The following FGFR1 variants were observed in gnomAD, a reference collection of about 807,000 sequenced individuals.
FGFR1 encodes FGFR1/PLAG1 fusion.
FGFR1 carries 18 observed loss-of-function variants against 93.7 expected under a neutral mutation model. The observed-to-expected ratio is 0.19, with a 90% CI of 0.13 to 0.28. The LOEUF is 0.28. Among genes scored for constraint, FGFR1 ranks in the 10% least tolerant of loss-of-function variants. The pLI, the probability that FGFR1 is intolerant of heterozygous loss-of-function variation, is 1.00. For synonymous variants in FGFR1, 448 were observed against 429.3 expected (o/e 1.04, Z -0.54); for missense variants, 731 against 1,080.4 (o/e 0.68, Z 4.53).
In FGFR1 at chr8:38,418,363, T is replaced by C. The variant is rs2150679330; in HGVS notation, c.1295A>G (p.Asp432Gly). The C allele has an allele frequency of 5.0e-6, 8 of 1,613,596 alleles. No individual in the cohort carries two copies. The highest frequency in any genetic ancestry group is 6.8e-6 in the Non-Finnish European group (8 of 1,179,844). ...PLRRQVTVSA[D>G]SSASMNSGVL... ...CCCAGAGTTCATGGATGCACTGGAG[T>C]CAGCAGACACCTGCAAGGAAGAGTG... The change falls in exon 10 of 18, where the codon GAC becomes GGC. Residue 432 changes from aspartate to glycine, a missense_variant. By Grantham distance (94) the Asp-to-Gly change is moderately conservative. Transcript: ENST00000447712.
chr8:38,442,561 G>C (rs758660064), intron 2 of FGFR1, among the ~76,000 whole-genome samples: 5 of 151,958 alleles, frequency 3.3e-5, no homozygotes, highest in Non-Finnish European at 5.9e-5. Context: ...ATGAATCAAC[G>C]GCAAAGAGGT....
intron 1 of FGFR1, among the ~76,000 whole-genome samples, chr8:38,460,566 T>C (rs570592236): frequency 2.0e-5 from 3 of 152,182 alleles, no homozygotes; most frequent in Non-Finnish European, 4.4e-5. Flanking sequence ...AGCTCCCTGG[T>C]CAATGCACTT....
At chr8:38,467,798 G>A in intron 1 of FGFR1, 183 bp downstream of exon 1, 1 of 231,822 alleles carries the variant, frequency 4.3e-6, no homozygotes, top group Non-Finnish European at 8.5e-6. Flanking sequence ...AGGGAGGGGA[G>A]ACCCAAGGGG....
chr8:38,424,470 C>G lies in FGFR1; in HGVS notation c.936+39G>C, dbSNP rs992486346. ...GAGCCCCCGAGACAGTGGTCTCCTT[C>G]CCAGTAGACTGGCCCACGAAGACTG... On this transcript the variant is annotated intron_variant, in intron 7 of 17. Transcript: ENST00000447712. The surrounding 1 kb of genome is among the most constrained non-coding windows in gnomAD (Gnocchi z 4.3). 1 of 1,612,564 alleles carries G rather than the reference C, an allele frequency of 6.2e-7. No individual in the cohort carries two copies. The highest frequency in any genetic ancestry group is 8.5e-7 in the Non-Finnish European group (1 of 1,178,636).
chr8:38,427,710 ATG>A (rs2150903764), intron 5 of FGFR1, among the ~76,000 whole-genome samples: 1 of 152,358 alleles, frequency 6.6e-6, no homozygotes, highest in Non-Finnish European at 1.5e-5. Context: ...TACATACATG[ATG>A]TGATCAACTA....
intron 2 of FGFR1, among the ~76,000 whole-genome samples, chr8:38,436,131 T>C (rs948038461): frequency 1.4e-4 from 22 of 152,248 alleles, no homozygotes; most frequent in Middle Eastern, 3.4e-3. Context: ...TCCCAGCCCT[T>C]TGGGAGGCCA....
Position 38,468,117 on chromosome 8 carries a change from C to CCGGCGCTCGACTCCCGG in FGFR1, c.-242_-226dup, listed in dbSNP as rs1317476769. ...TGGCGGGGTCGCAAGAGCTCCGCGG[C>CCGGCGCTCGACTCCCGG]CGGCGCTCGACTCCCGGCGGCGCTC... On this transcript the variant is annotated 5_prime_UTR_variant, in exon 1 of 18. Coordinates refer to ENST00000447712, the MANE Select transcript of FGFR1 (RefSeq NM_023110.3). 4 of 226,300 alleles carry CCGGCGCTCGACTCCCGG rather than the reference C, an allele frequency of 1.8e-5. No individual in the cohort carries two copies. Among genetic ancestry groups the CCGGCGCTCGACTCCCGG allele is most frequent in the Non-Finnish European group, 2.6e-5 (3 of 113,490 alleles). The allele number at this position is 226,300 out of a possible 1,614,324, so 14.0% of individuals were successfully genotyped here.
At chr8:38,454,032 A>T (rs1234546192) in intron 2 of FGFR1, among the ~76,000 whole-genome samples, 1 of 152,152 alleles carries the variant, frequency 6.6e-6, no homozygotes, top group African/African-American at 2.4e-5. Flanking sequence ...GTTGATTTTT[A>T]AAAAATGGTC....
chr8:38,419,293 C>T (rs1817856301), intron 9 of FGFR1, among the ~76,000 whole-genome samples: 1 of 152,212 alleles, frequency 6.6e-6, no homozygotes, highest in Non-Finnish European at 1.5e-5. Context: ...GACTTCCTCC[C>T]AATCCATGTC....
rs772265332 is a variant in FGFR1, at chr8:38,413,990, C to A, written c.2220G>T (p.Val740=). 1.9e-6 allele frequency: 3 copies of A among 1,614,084 alleles called. No homozygotes were observed. The highest frequency in any genetic ancestry group is 2.5e-6 in the Non-Finnish European group (3 of 1,179,992). ...GCTTGAAGGTGGGTCTCTGTGAGGG[C>A]ACTGCATGCCAGCAGTCCCGCATCA... is the stretch of plus-strand genomic sequence containing the variant. The part of the protein sequence containing the change: ...YMMMRDCWHA[V]PSQRPTFKQL... Residue 740 remains valine (V), a synonymous_variant, in exon 17 of 18, where the codon GTG becomes GTT. Coordinates refer to ENST00000447712, the MANE Select transcript of FGFR1 (RefSeq NM_023110.3). The surrounding 1 kb of genome is among the most constrained non-coding windows in gnomAD (Gnocchi z 4.2).
intron 2 of FGFR1, among the ~76,000 whole-genome samples, chr8:38,441,065 A>C (rs1827272012): frequency 7.3e-6 from 1 of 137,912 alleles, no homozygotes; most frequent in African/African-American, 2.7e-5. Context: ...CCGCCCCGAG[A>C]CCCCCCAAAA....
At chr8:38,441,518 A>C (rs1393086525) in intron 2 of FGFR1, among the ~76,000 whole-genome samples, 1 of 152,218 alleles carries the variant, frequency 6.6e-6, no homozygotes. Flanking sequence ...AGAGCTGTAC[A>C]GAAAACTCTT....
In FGFR1 at chr8:38,424,426, AGCCT is replaced by A; in HGVS notation, c.936+79_936+82del. 1 of 1,487,744 alleles carries A rather than the reference AGCCT, an allele frequency of 6.7e-7. No homozygotes were observed. The highest frequency in any genetic ancestry group is 9.4e-7 in the Non-Finnish European group (1 of 1,066,072). The allele number at this position is 1,487,744 out of a possible 1,614,324, so 92.2% of individuals were successfully genotyped here. A position where few individuals can be genotyped will look rare whatever the true frequency, so the allele number is the denominator to read the frequency against. On this transcript the variant is annotated intron_variant, in intron 7 of 17. Transcript: ENST00000447712. This position sits in a 1 kb window ranked among gnomAD's most constrained non-coding sequence, Gnocchi z 4.3. ...GAATGATCCCATTCGGGGGCAACTG[AGCCT>A]GCCCACAGGAACTTGAGCCCCCGAG...
chr8:38,414,485 G>A (rs2150545212), intron 15 of FGFR1, 74 bp downstream of exon 15: 1 of 1,567,854 alleles, frequency 6.4e-7, no homozygotes, highest in Middle Eastern at 1.7e-4. Context: ...CTCAGTCCAG[G>A]GAGAAAGCAG....
At chr8:38,455,303 C>T (rs747197427) in intron 2 of FGFR1, among the ~76,000 whole-genome samples, 4 of 152,068 alleles carry the variant, frequency 2.6e-5, no homozygotes, top group East Asian at 1.9e-4. Context: ...TTTTTTGAGA[C>T]GGAGTCTCAC....
chr8:38,419,399 A>G, intron 9 of FGFR1, 134 bp downstream of exon 9: 1 of 809,866 alleles, frequency 1.2e-6, no homozygotes, highest in South Asian at 1.4e-5. Flanking sequence ...TTAGTTCATG[A>G]TATTCCACTG....
At chr8:38,436,212 G>A (rs1439284725) in intron 2 of FGFR1, among the ~76,000 whole-genome samples, 4 of 151,930 alleles carry the variant, frequency 2.6e-5, no homozygotes, top group Admixed American at 6.6e-5. Flanking sequence ...CTGTCTCTGC[G>A]AAAAATAAAA....
rs946346403 is a variant in FGFR1 at position 38,426,029 on chromosome 8, T to C, written c.745+93A>G. On this transcript the variant is annotated intron_variant, in intron 6 of 17. Transcript: ENST00000447712. This position sits in a 1 kb window ranked among gnomAD's most constrained non-coding sequence, Gnocchi z 4.1. Reference sequence around the variant, plus strand: ...AAGAAGTGCCAATCGCTATCCTGACTCTGCCCCTAAGAAACCTGGACACCC... The same window carrying C: ...AAGAAGTGCCAATCGCTATCCTGACCCTGCCCCTAAGAAACCTGGACACCC... 1.9e-6 allele frequency: 3 copies of C among 1,573,040 alleles called. No homozygotes were observed. The African/African-American group carries it at 4.1e-5, about 21-fold the overall frequency.
chr8:38,439,818 A>G (rs770861682), intron 2 of FGFR1, among the ~76,000 whole-genome samples: 11 of 151,996 alleles, frequency 7.2e-5, no homozygotes, highest in Non-Finnish European at 1.6e-4. Context: ...CCTCTCCCCA[A>G]CATGAATGTG....
Sources: gnomAD v4.1 joint callset for allele counts (sites outside exome capture counted in the v4.1 genomes callset) on GRCh38, gnomAD v4.1.1 for gene constraint, Gnocchi (gnomAD v3.1) non-coding constraint, MANE v1.5 for transcripts, NCBI Gene and HGNC (gene_info 2026-07-23, HGNC 2026-07-21) for gene names.